SOAT2: variants seen among roughly 807,000 people sequenced by gnomAD.
SOAT2 encodes sterol O-acyltransferase 2, also known as ACAT-2.
In SOAT2, 87 loss-of-function variants were observed where a neutral mutation model predicts 76.0. The observed-to-expected ratio is 1.14, with a 90% confidence interval of 0.96 to 1.37. The LOEUF (loss-of-function observed/expected upper bound fraction) is 1.37. Ranked by LOEUF, SOAT2 falls within the 40% of genes most tolerant of loss-of-function variation. The probability of loss-of-function intolerance (pLI) is 0.00; values close to 1 mark genes in which losing one functional copy is unlikely to be tolerated. For synonymous variants in SOAT2, 285 were observed against 275.4 expected (o/e 1.03, Z -0.34); for missense variants, 686 against 682.1 (o/e 1.01, Z -0.06).
chr12:53,120,115 C>A (rs1310874172), intron 10 of SOAT2, among the ~76,000 whole-genome samples: 2 of 152,056 alleles, frequency 1.3e-5, no homozygotes, highest in African/African-American at 4.8e-5. Flanking sequence ...GGAGGAGGAC[C>A]GCTTGAGGCC....
intron 2 of SOAT2, 62 bp downstream of exon 2, chr12:53,104,268 G>T: frequency 3.6e-6 from 4 of 1,111,210 alleles, no homozygotes; most frequent in Non-Finnish European, 5.4e-6. Context: ...AAGCAGGAGT[G>T]AGGCTTGGTG....
intron 5 of SOAT2, among the ~76,000 whole-genome samples, chr12:53,108,791 C>T (rs1045242020): frequency 6.6e-6 from 1 of 152,206 alleles, no homozygotes; most frequent in Non-Finnish European, 1.5e-5. Context: ...TTCAAGAGCA[C>T]CTGTTAGAGC....
rs369162871 is a variant in SOAT2 at position 53,118,419 on chromosome 12, G to A, written c.848G>A (p.Arg283Lys). Reference sequence around the variant, plus strand: ...CTCTTCTGCCCAACACTCATCTACAGGGAGACTTACCCTAGGTAAGACCCT... The same window carrying A: ...CTCTTCTGCCCAACACTCATCTACAAGGAGACTTACCCTAGGTAAGACCCT... ...YFLFCPTLIY[R>K]ETYPRTPYVR... The change falls in exon 8 of 15, where the codon AGG (arginine) becomes AAG (lysine). Residue 283 changes from arginine (R) to lysine (K), a missense_variant. Coordinates refer to ENST00000301466, the MANE Select transcript of SOAT2 (RefSeq NM_003578.4). 5 of 1,613,146 alleles carry A rather than the reference G, an allele frequency of 3.1e-6. No homozygotes were observed. The African/African-American group carries it at 6.7e-5, about 22-fold the overall frequency.
At chr12:53,104,247 T>G (rs1937890637) in intron 2 of SOAT2, 41 bp downstream of exon 2, 1 of 1,492,902 alleles carries the variant, frequency 6.7e-7, no homozygotes, top group Non-Finnish European at 9.3e-7. Flanking sequence ...GGACAGATCC[T>G]TGGTAGCAGG....
intron 5 of SOAT2, among the ~76,000 whole-genome samples, chr12:53,114,567 A>G (rs1328171253): frequency 1.3e-5 from 2 of 152,182 alleles, no homozygotes; most frequent in African/African-American, 2.4e-5. Flanking sequence ...CTGAAAAAAA[A>G]AAAATTAGCC....
At position 53,109,066 on chromosome 12, in the gene SOAT2, G is replaced by A. The variant is rs145785313; in HGVS notation, c.443+3052G>A. ...AACCTGGCCAATATGGTGAAACCCC[G>A]TCTCTACTAAAAATACAAAAATTAG... On this transcript the variant is annotated intron_variant, in intron 5 of 14. Coordinates refer to ENST00000301466, the MANE Select transcript of SOAT2 (RefSeq NM_003578.4). 5.4e-3 allele frequency among the ~76,000 whole-genome samples: 826 copies of A among 152,114 alleles called. 34 individuals carry two copies. Among genetic ancestry groups the A allele is most frequent in the Admixed American group, 0.051 (785 of 15,266 alleles).
At chr12:53,121,019 G>A in intron 11 of SOAT2, 136 bp downstream of exon 11, 1 of 732,166 alleles carries the variant, frequency 1.4e-6, no homozygotes, top group Non-Finnish European at 2.4e-6. Flanking sequence ...CAGTCCTCTG[G>A]ATGTGCTTAT....
chr12:53,120,197 T>C (rs1478738717), intron 10 of SOAT2, among the ~76,000 whole-genome samples: 7 of 152,064 alleles, frequency 4.6e-5, no homozygotes, highest in Non-Finnish European at 7.4e-5. Context: ...TAGCCAGGCA[T>C]GGTGGCTCAC....
intron 5 of SOAT2, among the ~76,000 whole-genome samples, chr12:53,112,765 C>G (rs1592276862): frequency 7.0e-6 from 1 of 143,438 alleles, no homozygotes; most frequent in East Asian, 2.0e-4. Context: ...CTCCCATTTT[C>G]TTTTTTTTCT....
At chr12:53,116,819 G>A (rs551432627) in intron 7 of SOAT2, among the ~76,000 whole-genome samples, 18 of 151,740 alleles carry the variant, frequency 1.2e-4, no homozygotes, top group Middle Eastern at 6.8e-3. Context: ...AGTGAGCCAT[G>A]ACTATGTCAC....
At chr12:53,103,755 A>G in intron 1 of SOAT2, 96 bp downstream of exon 1, 1 of 1,041,292 alleles carries the variant, frequency 9.6e-7, no homozygotes, top group Non-Finnish European at 1.4e-6. Flanking sequence ...CCTGATGCCA[A>G]TCCTTCCTGC....
intron 5 of SOAT2, among the ~76,000 whole-genome samples, chr12:53,113,986 A>G (rs1207656857): frequency 6.6e-6 from 1 of 152,108 alleles, no homozygotes; most frequent in Non-Finnish European, 1.5e-5. Context: ...AACTTGTTTA[A>G]TCATGCTTTG....
In SOAT2 at chr12:53,105,103, G is replaced by A. The variant is rs570842451; in HGVS notation, c.139-4G>A. ...GTGGGCTCTACCCTGGCTTTGTCCC[G>A]TAGGCTGTGAAGGCACAATTGCTGG... On this transcript the variant is annotated splice_polypyrimidine_tract_variant and splice_region_variant and intron_variant, in intron 2 of 14. Coordinates refer to ENST00000301466, the MANE Select transcript of SOAT2 (RefSeq NM_003578.4). 169 of 1,555,590 alleles carry A rather than the reference G, an allele frequency of 1.1e-4. 4 individuals carry two copies. The South Asian group carries it at 1.7e-3, about 16-fold the overall frequency.
chr12:53,104,013 A>T, intron 1 of SOAT2, 138 bp from the exon 2 acceptor site: 1 of 812,388 alleles, frequency 1.2e-6, no homozygotes, highest in South Asian at 1.4e-5. Context: ...TAGTAGCCCC[A>T]ACCATGATAC....
At chr12:53,111,898 T>C (rs1938017177) in intron 5 of SOAT2, among the ~76,000 whole-genome samples, 1 of 152,250 alleles carries the variant, frequency 6.6e-6, no homozygotes, top group Admixed American at 6.5e-5. Flanking sequence ...CTCTTTTATA[T>C]ATTTTCAGTA....
At position 53,105,932 on chromosome 12, in the gene SOAT2, C is replaced by T. The variant is rs757094894; in HGVS notation, c.361C>T (p.Arg121Cys). ...TGAGCTGATGGAGGTGCAGCATTTC[C>T]GCACCATCTACCACATGTTCATCGC... is the stretch of plus-strand genomic sequence containing the variant. ...LDELMEVQHFRTIYHMFIAGL... is the reference protein window; with the variant it reads ...LDELMEVQHFCTIYHMFIAGL... Residue 121 changes from arginine (R) to cysteine (C), a missense_variant, in exon 5 of 15, where the codon CGC (arginine) becomes TGC (cysteine). By Grantham distance (180) the Arg-to-Cys change is radical (BLOSUM62 -3). Coordinates refer to ENST00000301466, the MANE Select transcript of SOAT2 (RefSeq NM_003578.4). 1.1e-5 allele frequency: 17 copies of T among 1,613,842 alleles called. No homozygotes were observed. Among genetic ancestry groups the T allele is most frequent in the South Asian group, 2.2e-5 (2 of 91,082 alleles).
Position 53,105,164 on chromosome 12 carries a change from C to T in SOAT2, c.196C>T (p.Arg66Trp), listed in dbSNP as rs751587272. The part of the protein sequence containing the change: ...AQGQLRELLD[R>W]AMREAIQSYP... ...GGGACAACTGAGGGAGCTGCTGGAT[C>T]GGGCCATGCGGGAGGCTATACAATC... The change falls in exon 3 of 15, where the codon CGG becomes TGG. Residue 66 changes from arginine to tryptophan, a missense_variant. Coordinates refer to ENST00000301466, the MANE Select transcript of SOAT2 (RefSeq NM_003578.4). 8.2e-6 allele frequency: 13 copies of T among 1,583,006 alleles called. No individual in the cohort carries two copies. The highest frequency in any genetic ancestry group is 5.4e-5 in the Admixed American group (3 of 55,434).
Position 53,124,152 on chromosome 12 carries a change from A to C in SOAT2, c.*29A>C. On this transcript the variant is annotated 3_prime_UTR_variant, in exon 15 of 15. Coordinates refer to ENST00000301466, the MANE Select transcript of SOAT2 (RefSeq NM_003578.4). ...TCGGGACAGACGACGCTACCTGCCC[A>C]GACACCACCAAGTTCTCTGCCTGCA... is the stretch of plus-strand genomic sequence containing the variant. 6.2e-7 allele frequency: 1 copy of C among 1,613,426 alleles called. No individual in the cohort carries two copies. The highest frequency in any genetic ancestry group is 1.1e-5 in the South Asian group (1 of 91,054).
chr12:53,104,641 C>G (rs1937900653), intron 2 of SOAT2, among the ~76,000 whole-genome samples: 1 of 152,138 alleles, frequency 6.6e-6, no homozygotes, highest in South Asian at 2.1e-4. Context: ...GTTTGAAGCA[C>G]AGGTCCCAAA....
Sources: allele counts gnomAD v4.1 joint callset (sites outside exome capture counted in the v4.1 genomes callset), GRCh38; gene constraint gnomAD v4.1.1; transcripts MANE v1.5; gene names NCBI Gene and HGNC (gene_info 2026-07-23, HGNC 2026-07-21).